FBN2: variants seen among roughly 807,000 people sequenced by gnomAD.
FBN2 encodes fibrillin 2.
In FBN2, 105 loss-of-function variants were observed where a neutral mutation model predicts 355.6. The ratio of observed to expected loss-of-function variants is 0.30; its 90% CI spans 0.25 to 0.35. FBN2 has a LOEUF of 0.35. Ranked by LOEUF, FBN2 falls within the 10% of genes least tolerant of loss-of-function variation. The pLI, the probability that FBN2 is intolerant of heterozygous loss-of-function variation, is 1.00. For synonymous variants in FBN2, 1,350 were observed against 1,301.2 expected (o/e 1.04, Z -0.81); for missense variants, 3,280 against 3,758.7 (o/e 0.87, Z 3.33).
intron 19 of FBN2, among the ~76,000 whole-genome samples, chr5:128,360,692 T>C (rs1028423953): frequency 2.6e-5 from 4 of 152,110 alleles, no homozygotes; most frequent in African/African-American, 9.6e-5. Context: ...TCTTGTTCTA[T>C]AGTCCTAACT....
At position 128,333,045 on chromosome 5, in the gene FBN2, A is replaced by G. The variant is rs1750735541; in HGVS notation, c.4100-11T>C. 3 of 1,607,948 alleles carry G rather than the reference A, an allele frequency of 1.9e-6. No homozygotes were observed. The highest frequency in any genetic ancestry group is 2.7e-5 in the African/African-American group (2 of 74,792). On this transcript the variant is annotated splice_polypyrimidine_tract_variant and intron_variant, in intron 31 of 64. Coordinates refer to ENST00000262464, the MANE Select transcript of FBN2 (RefSeq NM_001999.4). ...CACACTCATCCACATCTGATAAACC[A>G]TAATTCATAAGAAGAAAATCAAAAT...
chr5:128,320,871 A>G (rs552703096), intron 34 of FBN2, among the ~76,000 whole-genome samples: 1 of 152,346 alleles, frequency 6.6e-6, no homozygotes, highest in East Asian at 1.9e-4. Context: ...GTTGAAATGT[A>G]ATTTTTAGAC....
chr5:128,266,453 T>C (rs1459106712), intron 62 of FBN2, among the ~76,000 whole-genome samples: 1 of 152,206 alleles, frequency 6.6e-6, no homozygotes, highest in Non-Finnish European at 1.5e-5. Flanking sequence ...CGAGCTCCTT[T>C]GGGGGTGACT....
At chr5:128,356,750 T>G (rs929626299) in intron 20 of FBN2, among the ~76,000 whole-genome samples, 1 of 152,224 alleles carries the variant, frequency 6.6e-6, no homozygotes, top group African/African-American at 2.4e-5. Context: ...TAGAATAATT[T>G]CCCCTAGAGA....
rs543851909 is a variant in FBN2 at position 128,362,554 on chromosome 5, T to C, written c.2429-706A>G. On this transcript the variant is annotated intron_variant, in intron 18 of 64. Transcript: ENST00000262464. The stretch of plus-strand genomic sequence containing the variant: ...CAGCTCACTGAAGCTTTGAACTTCT[T>C]GGCTCAAGCAATCCTCCTGCCACAG... Among the ~76,000 whole-genome samples, 8 of 152,336 alleles carry C rather than the reference T, an allele frequency of 5.3e-5. No individual in the cohort carries two copies. The South Asian group carries it at 1.7e-3, about 32-fold the overall frequency.
rs374461089 is a variant in FBN2, at chr5:128,277,267, GC to G, written c.7471+612del. ...CCCGACAAAAGTCTAAGTCCTTTCT[GC>G]CCCACGACTGTCATATATAGGTGTG... On this transcript the variant is annotated intron_variant, in intron 58 of 64. Coordinates refer to ENST00000262464, the MANE Select transcript of FBN2 (RefSeq NM_001999.4). 6.9e-3 allele frequency among the ~76,000 whole-genome samples: 1,048 copies of G among 152,192 alleles called. 10 individuals are homozygous for G. Among genetic ancestry groups the G allele is most frequent in the African/African-American group, 0.025 (1,019 of 41,514 alleles).
intron 5 of FBN2, among the ~76,000 whole-genome samples, chr5:128,493,629 T>C (rs188479917): frequency 1.9e-4 from 29 of 152,220 alleles, no homozygotes; most frequent in Admixed American, 1.3e-3. Context: ...TCCATGAAAA[T>C]ATTTTATGTT....
chr5:128,533,135 TCTTA>T (rs1756749836), intron 2 of FBN2, among the ~76,000 whole-genome samples: 3 of 152,222 alleles, frequency 2.0e-5, no homozygotes, highest in African/African-American at 7.2e-5. Flanking sequence ...TGGAGTTGAC[TCTTA>T]CTTCTTAAAA....
chr5:128,301,347 A>C (rs769220916), intron 47 of FBN2, 35 bp downstream of exon 47: 69 of 1,594,006 alleles, frequency 4.3e-5, no homozygotes, highest in African/African-American at 5.4e-5. Context: ...ACAAAACATA[A>C]CACCACAAAG....
intron 7 of FBN2, among the ~76,000 whole-genome samples, chr5:128,409,864 C>T (rs1229835300): frequency 6.6e-6 from 1 of 152,102 alleles, no homozygotes; most frequent in Non-Finnish European, 1.5e-5. Flanking sequence ...ATTATAAACA[C>T]ACAAAATATG....
At chr5:128,381,935 C>T (rs947633473) in intron 11 of FBN2, among the ~76,000 whole-genome samples, 1 of 151,874 alleles carries the variant, frequency 6.6e-6, no homozygotes, top group African/African-American at 2.4e-5. Context: ...TTGTTTTTTC[C>T]AAAACATCAT....
intron 6 of FBN2, among the ~76,000 whole-genome samples, chr5:128,462,158 A>C (rs931822358): frequency 3.9e-5 from 6 of 152,194 alleles, no homozygotes; most frequent in African/African-American, 1.4e-4. Context: ...CAAAAGAACC[A>C]TGATTTAGAG....
At chr5:128,370,716 G>T (rs1751911933) in intron 15 of FBN2, among the ~76,000 whole-genome samples, 1 of 152,000 alleles carries the variant, frequency 6.6e-6, no homozygotes, top group Non-Finnish European at 1.5e-5. Flanking sequence ...CTGCTTTTGG[G>T]TTTAGAGCAT....
intron 15 of FBN2, 49 bp downstream of exon 15, chr5:128,374,579 T>C: frequency 6.2e-7 from 1 of 1,612,268 alleles, no homozygotes; most frequent in South Asian, 1.1e-5. Flanking sequence ...CTGTCAGTTT[T>C]TCAAAGATCA....
At chr5:128,461,188 G>A in intron 6 of FBN2, among the ~76,000 whole-genome samples, 1 of 152,074 alleles carries the variant, frequency 6.6e-6, no homozygotes, top group African/African-American at 2.4e-5. Flanking sequence ...CAAAAAGTGG[G>A]CAAAGGATAT....
intron 40 of FBN2, 102 bp from the exon 41 acceptor site, chr5:128,309,501 T>A: frequency 2.1e-6 from 2 of 949,260 alleles, no homozygotes; most frequent in South Asian, 2.7e-5. Context: ...TGAACACAAC[T>A]CGGAAACCCT....
chr5:128,466,920 A>C (rs1376134727), intron 5 of FBN2, among the ~76,000 whole-genome samples: 1 of 152,228 alleles, frequency 6.6e-6, no homozygotes, highest in Non-Finnish European at 1.5e-5. Flanking sequence ...TTTTAAATAA[A>C]CATTAAATTC....
At chr5:128,397,972 A>G (rs1008874600) in intron 8 of FBN2, among the ~76,000 whole-genome samples, 9 of 152,170 alleles carry the variant, frequency 5.9e-5, no homozygotes, top group Admixed American at 2.0e-4. Context: ...AATGGAGGCA[A>G]CTAAGAAACT....
rs941525164 is a variant in FBN2, at chr5:128,477,757, C to G, written c.629-12836G>C. 3.3e-5 allele frequency among the ~76,000 whole-genome samples: 5 copies of G among 152,192 alleles called. 1 individual carries two copies. The highest frequency in any genetic ancestry group is 1.2e-4 in the African/African-American group (5 of 41,452). On this transcript the variant is annotated intron_variant, in intron 5 of 64. Coordinates refer to ENST00000262464, the MANE Select transcript of FBN2 (RefSeq NM_001999.4). The stretch of plus-strand genomic sequence containing the variant: ...TGTATCTGACACCAAAATCCATGCT[C>G]TTAACCATCTCACTCTGCCATCTCT...
Sources: gnomAD v4.1 joint callset for allele counts (sites outside exome capture counted in the v4.1 genomes callset) on GRCh38, gnomAD v4.1.1 for gene constraint, MANE v1.5 for transcripts, NCBI Gene and HGNC (gene_info 2026-07-23, HGNC 2026-07-21) for gene names.